Variants in ZNF280C observed in about 807,000 individuals in gnomAD.
The protein encoded by ZNF280C is suppressor of hairy wing homolog 3.
ZNF280C carries 14 observed loss-of-function variants against 53.6 expected under a neutral mutation model. The ratio of observed to expected loss-of-function variants is 0.26; its 90% CI spans 0.17 to 0.41. ZNF280C has a LOEUF of 0.41. ZNF280C is among the 10% of genes least tolerant of loss of function. ZNF280C has a pLI of 1.00. For missense variants in ZNF280C, 416 were observed against 547.1 expected (o/e 0.76, Z 2.39); for synonymous variants, 203 against 181.1 (o/e 1.12, Z -0.97).
intron 9 of ZNF280C, among the ~76,000 whole-genome samples, chrX:130,229,431 A>C (rs748719074): frequency 8.9e-6 from 1 of 111,797 alleles, no homozygotes; most frequent in African/African-American, 3.2e-5. Flanking sequence ...TTTTTAGCAA[A>C]GAAAAATAGC....
At chrX:130,251,610 A>G (rs1361855084) in intron 2 of ZNF280C, among the ~76,000 whole-genome samples, 3 of 110,981 alleles carry the variant, frequency 2.7e-5, no homozygotes, top group African/African-American at 9.8e-5. Flanking sequence ...TTAAGAGGCC[A>G]TGGGGCCGGG....
intron 10 of ZNF280C, among the ~76,000 whole-genome samples, chrX:130,228,360 C>T (rs190848069): frequency 2.6e-4 from 28 of 106,614 alleles, no homozygotes; most frequent in South Asian, 8.1e-4. Context: ...CTCGGCTCAC[C>T]GCAACCTCTG....
At chrX:130,238,274 TTA>T (rs1418828933) in intron 6 of ZNF280C, among the ~76,000 whole-genome samples, 14 of 111,679 alleles carry the variant, frequency 1.3e-4, no homozygotes, top group Admixed American at 9.6e-4. Context: ...CACTTTCCAC[TTA>T]TTTTATTTGG....
chrX:130,254,431 T>G (rs917470956), intron 2 of ZNF280C, among the ~76,000 whole-genome samples: 1 of 111,685 alleles, frequency 9.0e-6, no homozygotes, highest in Non-Finnish European at 1.9e-5. Context: ...GAATGTAAAC[T>G]CTTCTATCAT....
chrX:130,229,435 A>G (rs2032256026), intron 9 of ZNF280C, among the ~76,000 whole-genome samples: 1 of 111,843 alleles, frequency 8.9e-6, no homozygotes, highest in South Asian at 3.7e-4. Flanking sequence ...TAGCAAAGAA[A>G]AATAGCAGGC....
chrX:130,212,636 C>G (rs1301108989), intron 15 of ZNF280C, among the ~76,000 whole-genome samples: 1 of 108,061 alleles, frequency 9.3e-6, no homozygotes, highest in Admixed American at 1.0e-4. Context: ...GGGGGGGTGA[C>G]ACTCAAATCA....
intron 8 of ZNF280C, among the ~76,000 whole-genome samples, chrX:130,231,423 G>T (rs1288417071): frequency 8.9e-6 from 1 of 112,070 alleles, no homozygotes; most frequent in Non-Finnish European, 1.9e-5. Flanking sequence ...CATGGATGCA[G>T]CTGGAGGCGA....
At chrX:130,206,772 T>C (rs2031980136) in intron 16 of ZNF280C, among the ~76,000 whole-genome samples, 1 of 111,888 alleles carries the variant, frequency 8.9e-6, no homozygotes, top group South Asian at 3.7e-4. Flanking sequence ...CCCATGAAAT[T>C]TAGGGGGAAA....
chrX:130,258,456 T>C (rs1286534756), intron 2 of ZNF280C, among the ~76,000 whole-genome samples: 2 of 111,938 alleles, frequency 1.8e-5, no homozygotes, highest in African/African-American at 6.5e-5. Flanking sequence ...ACATTTTGAT[T>C]TCCTCTTCTA....
chrX:130,217,755 C>T (rs2032119519), intron 13 of ZNF280C, among the ~76,000 whole-genome samples: 1 of 112,645 alleles, frequency 8.9e-6, no homozygotes, highest in Admixed American at 9.4e-5. Context: ...TATTTACTTA[C>T]TGTTGTAATA....
chrX:130,230,673 G>T lies in ZNF280C; in HGVS notation c.826C>A (p.Arg276Ser). 7.5e-6 allele frequency: 9 copies of T among 1,207,820 alleles called. No homozygotes were observed. Among genetic ancestry groups the T allele is most frequent in the Non-Finnish European group, 1.0e-5 (9 of 893,567 alleles). The change falls in exon 9 of 19, where the codon CGT becomes AGT. Residue 276 changes from arginine to serine, a missense_variant. This residue lies in a region of ZNF280C where 193 missense variants were observed against 201.4 expected (regional missense o/e 0.96). Coordinates refer to ENST00000370978, the MANE Select transcript of ZNF280C (RefSeq NM_017666.5). ...KFLGVIVKSE[R>S]PCDEDKTDSE... ...TCAGTCTTGTCTTCATCACATGGACGTTCTGATTTAACAATTACTCCCAAA... is the reference window on the plus strand; with the variant it reads ...TCAGTCTTGTCTTCATCACATGGACTTTCTGATTTAACAATTACTCCCAAA...
At position 130,260,458 on chromosome X, in the gene ZNF280C, A is replaced by G. The variant is rs60086384; in HGVS notation, c.-9T>C. 9.5e-4 allele frequency: 1,137 copies of G among 1,192,846 alleles called. 15 individuals are homozygous for G. In the East Asian group the frequency reaches 0.03, roughly 32 times the overall value. On this transcript the variant is annotated 5_prime_UTR_variant, in exon 2 of 19. Coordinates refer to ENST00000370978, the MANE Select transcript of ZNF280C (RefSeq NM_017666.5). ...GGTTTGTCGTCATCCATGAAGTTGC[A>G]AGGTCACCTAAGTACGAACACATGA...
At chrX:130,240,291 G>T (rs1484054464) in intron 5 of ZNF280C, among the ~76,000 whole-genome samples, 1 of 111,053 alleles carries the variant, frequency 9.0e-6, no homozygotes, top group Non-Finnish European at 1.9e-5. Context: ...TATTAATATG[G>T]TCCCCTGACT....
chrX:130,233,068 T>G (rs970257890), intron 8 of ZNF280C, among the ~76,000 whole-genome samples: 2 of 111,732 alleles, frequency 1.8e-5, no homozygotes, highest in Non-Finnish European at 3.8e-5. Context: ...ATGTATGGAT[T>G]TGGAAAACAT....
chrX:130,244,799 A>AAG (rs202162754), intron 3 of ZNF280C, among the ~76,000 whole-genome samples: 2 of 45,350 alleles, frequency 4.4e-5, no homozygotes, highest in Non-Finnish European at 7.8e-5. Context: ...AAAAAAAAAA[A>AAG]AGAGAGAAAA....
At chrX:130,268,597 C>A (rs1180783541) in intron 1 of ZNF280C, among the ~76,000 whole-genome samples, 165 bp downstream of exon 1, 1 of 111,995 alleles carries the variant, frequency 8.9e-6, no homozygotes, top group Non-Finnish European at 1.9e-5. Context: ...CCAGCTACCA[C>A]GCCGCCAAGC....
intron 15 of ZNF280C, among the ~76,000 whole-genome samples, chrX:130,214,097 G>A (rs987288792): frequency 2.7e-5 from 3 of 111,679 alleles, no homozygotes; most frequent in African/African-American, 9.8e-5. Flanking sequence ...ATTGTGCCTG[G>A]CTAGTTGTAT....
At chrX:130,235,501 A>G (rs1389064319) in intron 8 of ZNF280C, among the ~76,000 whole-genome samples, 2 of 112,321 alleles carry the variant, frequency 1.8e-5, no homozygotes, top group Non-Finnish European at 3.8e-5. Flanking sequence ...GTGACAGAGC[A>G]AGACTCTGTC....
intron 12 of ZNF280C, among the ~76,000 whole-genome samples, chrX:130,226,258 CAT>C (rs2032220119): frequency 8.9e-6 from 1 of 112,099 alleles, no homozygotes; most frequent in Non-Finnish European, 1.9e-5. Flanking sequence ...ATGACAACCA[CAT>C]GTCTCATAAT....
Sources: allele counts gnomAD v4.1 joint callset (sites outside exome capture counted in the v4.1 genomes callset), GRCh38; gene constraint gnomAD v4.1.1; regional missense constraint gnomAD v4.1.1; transcripts MANE v1.5; gene names NCBI Gene and HGNC (gene_info 2026-07-23, HGNC 2026-07-21).